Variants in SCN8A observed in about 807,000 individuals in gnomAD.
SCN8A encodes sodium channel protein type 8 subunit alpha.
A neutral mutation model predicts 184.1 loss-of-function variants in SCN8A; 30 were observed. The observed-to-expected ratio is 0.16, with a 90% CI of 0.12 to 0.22. SCN8A has a LOEUF of 0.22. Among genes scored for constraint, SCN8A ranks in the 10% least tolerant of loss-of-function variants. The probability of loss-of-function intolerance (pLI) is 1.00; values close to 1 mark genes in which losing one functional copy is unlikely to be tolerated. For synonymous variants in SCN8A, 852 were observed against 907.0 expected (o/e 0.94, Z 1.09); for missense variants, 1,057 against 2,498.9 (o/e 0.42, Z 12.30).
At chr12:51,785,049 C>T (rs182146968) in intron 21 of SCN8A, among the ~76,000 whole-genome samples, 4 of 152,168 alleles carry the variant, frequency 2.6e-5, no homozygotes, top group Non-Finnish European at 5.9e-5. Context: ...AATCTACTCC[C>T]GTATTGTTTG....
intron 1 of SCN8A, among the ~76,000 whole-genome samples, chr12:51,601,624 A>G (rs952830937): frequency 6.6e-5 from 10 of 152,048 alleles, no homozygotes; most frequent in African/African-American, 2.2e-4. Context: ...TATTAATTAG[A>G]TATGTTTTCC....
Position 51,663,021 on chromosome 12 carries a change from C to G in SCN8A, c.204C>G (p.Ile68Met). 1 of 1,614,062 alleles carries G rather than the reference C, an allele frequency of 6.2e-7. No individual in the cohort carries two copies. The highest frequency in any genetic ancestry group is 8.5e-7 in the Non-Finnish European group (1 of 1,179,902). Residue 68 changes from isoleucine (I) to methionine (M), a missense_variant, in exon 2 of 27, where the codon ATC (isoleucine) becomes ATG (methionine). Ile to Met is a conservative substitution (Grantham distance 10). Transcript: ENST00000627620. ...DLEAGKSLPF[I>M]YGDIPQGLVA... ...AAGCAGGGAAGAGTTTGCCTTTCATCTACGGGGACATCCCCCAAGGCCTGG... is the reference window on the plus strand; with the variant it reads ...AAGCAGGGAAGAGTTTGCCTTTCATGTACGGGGACATCCCCCAAGGCCTGG...
At chr12:51,625,410 A>C (rs1294227969) in intron 1 of SCN8A, among the ~76,000 whole-genome samples, 1 of 152,184 alleles carries the variant, frequency 6.6e-6, no homozygotes. Flanking sequence ...TTCTTTATTC[A>C]GTCACCTGTC....
chr12:51,806,198 G>C lies in SCN8A; in HGVS notation c.4796-84G>C, dbSNP rs1938697900. ...TTCTGCAAAGCCCTTTGAACCTAAG[G>C]GTTCCACAATGCCAGGTAAAAAAAA... On this transcript the variant is annotated intron_variant, in intron 26 of 26. Coordinates refer to ENST00000627620, the MANE Select transcript of SCN8A (RefSeq NM_001330260.2). This position sits in a 1 kb window ranked among gnomAD's most constrained non-coding sequence, Gnocchi z 8.7. 5 of 1,289,766 alleles carry C rather than the reference G, an allele frequency of 3.9e-6. No homozygotes were observed. Among genetic ancestry groups the C allele is most frequent in the Non-Finnish European group, 4.2e-6 (4 of 943,796 alleles). The allele number at this position is 1,289,766 out of a possible 1,614,324, so 79.9% of individuals were successfully genotyped here.
In SCN8A at chr12:51,806,880, T is replaced by C; in HGVS notation, c.5394T>C (p.Asp1798=). ...AGATCTGGGAGAAGTTCGACCCCGA[T>C]GCCACCCAGTTCATTGAGTACTGTA... ...FYEIWEKFDP[D]ATQFIEYCKL... The change falls in exon 27 of 27, where the codon GAT becomes GAC. Residue 1798 remains aspartate, a synonymous_variant. Transcript: ENST00000627620. The surrounding 1 kb of genome is among the most constrained non-coding windows in gnomAD (Gnocchi z 8.7). 1 of 1,613,690 alleles carries C rather than the reference T, an allele frequency of 6.2e-7. No homozygotes were observed. The highest frequency in any genetic ancestry group is 8.5e-7 in the Non-Finnish European group (1 of 1,179,610).
At chr12:51,788,536 C>G (rs1208385895) in intron 22 of SCN8A, 159 bp from the exon 23 acceptor site, 1 of 432,490 alleles carries the variant, frequency 2.3e-6, no homozygotes, top group Non-Finnish European at 4.1e-6. Context: ...CCTCCTGGGA[C>G]CTGTAGTAAC....
intron 11 of SCN8A, among the ~76,000 whole-genome samples, chr12:51,712,225 A>G (rs1415050311): frequency 1.3e-5 from 2 of 152,234 alleles, no homozygotes; most frequent in Non-Finnish European, 2.9e-5. Flanking sequence ...TTGACACTAC[A>G]TTGCATTAAT....
chr12:51,683,259 T>C, intron 2 of SCN8A, among the ~76,000 whole-genome samples: 1 of 152,200 alleles, frequency 6.6e-6, no homozygotes, highest in East Asian at 1.9e-4. Flanking sequence ...GAATAGATGC[T>C]CAAAAATATT....
chr12:51,671,507 T>G (rs906381786), intron 2 of SCN8A, among the ~76,000 whole-genome samples: 1 of 152,182 alleles, frequency 6.6e-6, no homozygotes, highest in African/African-American at 2.4e-5. Flanking sequence ...AGGAATTAGT[T>G]TCTGTTGGTT....
chr12:51,664,686 T>C (rs1410105016), intron 2 of SCN8A, among the ~76,000 whole-genome samples: 2 of 152,132 alleles, frequency 1.3e-5, no homozygotes, highest in African/African-American at 2.4e-5. Context: ...AATTTCTCAT[T>C]TTCTTTTTGT....
chr12:51,651,024 G>T (rs963460062), intron 1 of SCN8A, among the ~76,000 whole-genome samples: 1 of 152,252 alleles, frequency 6.6e-6, no homozygotes, highest in Non-Finnish European at 1.5e-5. Context: ...CTAGTTAACT[G>T]CAGCAGCAGC....
chr12:51,751,648 G>T (rs546621852), intron 14 of SCN8A, 55 bp downstream of exon 14: 2 of 1,349,116 alleles, frequency 1.5e-6, no homozygotes, highest in Non-Finnish European at 2.1e-6. Flanking sequence ...TTGCCTGTAG[G>T]ATATCTTTTT....
intron 9 of SCN8A, among the ~76,000 whole-genome samples, chr12:51,704,046 C>T (rs986911218): frequency 1.3e-5 from 2 of 151,986 alleles, no homozygotes; most frequent in Admixed American, 6.6e-5. Context: ...GCATGACGCA[C>T]GCACCTGGCT....
chr12:51,620,943 C>T (rs1354684394), intron 1 of SCN8A, among the ~76,000 whole-genome samples: 2 of 152,052 alleles, frequency 1.3e-5, no homozygotes, highest in Non-Finnish European at 2.9e-5. Context: ...GCCATGGTTA[C>T]ACCACTGCAT....
At chr12:51,596,544 G>A (rs1186274910) in intron 1 of SCN8A, among the ~76,000 whole-genome samples, 1 of 152,154 alleles carries the variant, frequency 6.6e-6, no homozygotes, top group East Asian at 1.9e-4. Context: ...TTTATTTTAA[G>A]ATATTATTAG....
At chr12:51,750,875 C>T (rs1287414163) in intron 13 of SCN8A, among the ~76,000 whole-genome samples, 1 of 152,074 alleles carries the variant, frequency 6.6e-6, no homozygotes. Context: ...AATAGAATAC[C>T]TACCATTTAT....
chr12:51,656,572 C>T (rs1363812379), intron 1 of SCN8A, among the ~76,000 whole-genome samples: 1 of 152,030 alleles, frequency 6.6e-6, no homozygotes, highest in East Asian at 1.9e-4. Context: ...CAAAGAACTC[C>T]TACAAACTAG....
At chr12:51,598,554 A>G (rs1344611872) in intron 1 of SCN8A, among the ~76,000 whole-genome samples, 1 of 152,138 alleles carries the variant, frequency 6.6e-6, no homozygotes, top group African/African-American at 2.4e-5. Flanking sequence ...CTTGATTTTT[A>G]GTCATTTAAT....
At chr12:51,795,014 G>C (rs1938370501) in intron 26 of SCN8A, among the ~76,000 whole-genome samples, 1 of 152,140 alleles carries the variant, frequency 6.6e-6, no homozygotes, top group Admixed American at 6.5e-5. Flanking sequence ...TGCTAAGTTG[G>C]CCATTAATGA....
Sources: allele counts gnomAD v4.1 joint callset (sites outside exome capture counted in the v4.1 genomes callset), GRCh38; gene constraint gnomAD v4.1.1; non-coding constraint Gnocchi (gnomAD v3.1); transcripts MANE v1.5; gene names NCBI Gene and HGNC (gene_info 2026-07-23, HGNC 2026-07-21).